Variants in TENM4 observed in about 807,000 individuals in gnomAD.
TENM4 encodes the protein teneurin transmembrane protein 4, also known as teneurin-4.
A neutral mutation model predicts 243.3 loss-of-function variants in TENM4; 82 were observed. The ratio of observed to expected loss-of-function variants is 0.34; its 90% confidence interval spans 0.28 to 0.40. TENM4 has a LOEUF of 0.40. Among genes scored for constraint, TENM4 ranks in the 10% least tolerant of loss-of-function variants. The pLI is 1.00. For synonymous variants in TENM4, 1,412 were observed against 1,456.3 expected (o/e 0.97, Z 0.69); for missense variants, 3,138 against 3,673.3 (o/e 0.85, Z 3.77).
intron 9 of TENM4, among the ~76,000 whole-genome samples, chr11:78,866,521 G>GT (rs934312194): frequency 2.0e-5 from 3 of 150,640 alleles, no homozygotes; most frequent in African/African-American, 7.3e-5. Context: ...GGAAAAAAGT[G>GT]TTGCAGGTGA....
At chr11:78,704,688 T>C (rs1859200615) in intron 27 of TENM4, among the ~76,000 whole-genome samples, 1 of 152,220 alleles carries the variant, frequency 6.6e-6, no homozygotes, top group African/African-American at 2.4e-5. Context: ...GCTTGAGGGA[T>C]GGCATATATA....
intron 1 of TENM4, among the ~76,000 whole-genome samples, chr11:79,369,524 C>G (rs74445816): frequency 0.04 from 6,106 of 152,258 alleles, 415 homozygotes; most frequent in African/African-American, 0.14. Context: ...AAGTGAAACA[C>G]TCAAACAATT....
At position 78,811,589 on chromosome 11, in the gene TENM4, C is replaced by T. The variant is rs539975049; in HGVS notation, c.1978+533G>A. ...ACATGAACACACACACACACACACA[C>T]ACACACACACACACGAGTGTGATAA... On this transcript the variant is annotated intron_variant, in intron 14 of 33. Coordinates refer to ENST00000278550, the MANE Select transcript of TENM4 (RefSeq NM_001098816.3). 2.4e-3 allele frequency among the ~76,000 whole-genome samples: 369 copies of T among 152,206 alleles called. 1 individual carries two copies. The highest frequency in any genetic ancestry group is 0.014 in the South Asian group (69 of 4,808).
At chr11:79,183,680 A>T (rs944094835) in intron 3 of TENM4, among the ~76,000 whole-genome samples, 4 of 152,166 alleles carry the variant, frequency 2.6e-5, no homozygotes, top group African/African-American at 9.7e-5. Flanking sequence ...TTTTCCACTT[A>T]ATTTTGCTGT....
rs551363380 is a variant in TENM4, at chr11:79,427,489, A to G, written c.-321+13020T>C. Among the ~76,000 whole-genome samples, 4 of 152,358 alleles carry G rather than the reference A, an allele frequency of 2.6e-5. No homozygotes were observed. In the South Asian group the frequency reaches 8.3e-4, roughly 32 times the overall value. ...ACGATCGTGATAGATTAAGGTTGCA[A>G]AACAATGTGTGTAATGTGCTCCAAA... On this transcript the variant is annotated intron_variant, in intron 1 of 33. Coordinates refer to ENST00000278550, the MANE Select transcript of TENM4 (RefSeq NM_001098816.3).
chr11:78,890,231 C>T (rs960989482), intron 8 of TENM4, among the ~76,000 whole-genome samples: 2 of 152,104 alleles, frequency 1.3e-5, no homozygotes, highest in African/African-American at 4.8e-5. Context: ...CCACTGAACA[C>T]GGATGGGACA....
chr11:78,901,956 G>GC (rs1341242370), intron 7 of TENM4, among the ~76,000 whole-genome samples: 1 of 152,216 alleles, frequency 6.6e-6, no homozygotes, highest in Non-Finnish European at 1.5e-5. Flanking sequence ...GCCTCCACAA[G>GC]CTTGATGTGC....
chr11:78,873,091 C>G lies in TENM4; in HGVS notation c.1085-9959G>C, dbSNP rs1859177986. Among the ~76,000 whole-genome samples, 5 of 152,198 alleles carry G rather than the reference C, an allele frequency of 3.3e-5. No individual in the cohort carries two copies. In the South Asian group the frequency reaches 1.0e-3, roughly 32 times the overall value. On this transcript the variant is annotated intron_variant, in intron 9 of 33. Coordinates refer to ENST00000278550, the MANE Select transcript of TENM4 (RefSeq NM_001098816.3). ...GAGTGTTTGATGTCCCTCCTTTACA[C>G]CCTACAGCTTCCCAGTCTCCAGTCC... is the stretch of plus-strand genomic sequence containing the variant.
At chr11:78,918,566 G>A (rs933760531) in intron 6 of TENM4, among the ~76,000 whole-genome samples, 4 of 152,058 alleles carry the variant, frequency 2.6e-5, no homozygotes, top group African/African-American at 9.7e-5. Context: ...TAACCACAGC[G>A]GTCACTGTTC....
chr11:78,943,705 G>A lies in TENM4; in HGVS notation c.494-40182C>T, dbSNP rs747580709. Among the ~76,000 whole-genome samples the A allele has an allele frequency of 2.6e-4, 40 of 152,228 alleles. No individual in the cohort carries two copies. The Middle Eastern group carries it at 0.01, about 39-fold the overall frequency. On this transcript the variant is annotated intron_variant, in intron 6 of 33. Coordinates refer to ENST00000278550, the MANE Select transcript of TENM4 (RefSeq NM_001098816.3). ...CTGTTTGAAAATCTTTATAATCCAG[G>A]TGTGCTACTTTAATGTGCAAAAATA...
chr11:79,326,705 T>C (rs931428364), intron 1 of TENM4, among the ~76,000 whole-genome samples: 1 of 152,196 alleles, frequency 6.6e-6, no homozygotes, highest in South Asian at 2.1e-4. Context: ...ACCATGAAGC[T>C]TGGTGTTCCA....
chr11:79,353,461 A>G (rs1002067799), intron 1 of TENM4, among the ~76,000 whole-genome samples: 4 of 152,158 alleles, frequency 2.6e-5, no homozygotes, highest in African/African-American at 9.7e-5. Flanking sequence ...GGAAAAAAAT[A>G]GTTTTCGCCT....
chr11:78,813,155 G>A (rs1023747284), intron 13 of TENM4, among the ~76,000 whole-genome samples: 3 of 152,184 alleles, frequency 2.0e-5, no homozygotes, highest in Non-Finnish European at 4.4e-5. Flanking sequence ...GGGGCTGCTA[G>A]CTTTGCTGCC....
Position 79,253,276 on chromosome 11 carries a change from C to G in TENM4, c.-264-37367G>C, listed in dbSNP as rs535736305. Among the ~76,000 whole-genome samples the G allele has an allele frequency of 2.6e-5, 4 of 152,288 alleles. No homozygotes were observed. In the East Asian group the frequency reaches 7.7e-4, roughly 29 times the overall value. On this transcript the variant is annotated intron_variant, in intron 2 of 33. Coordinates refer to ENST00000278550, the MANE Select transcript of TENM4 (RefSeq NM_001098816.3). ...AAACTCACACTCAGGGCCTGACCAC[C>G]GTAAGGCCTGAGCAAACTCATCAAT...
At chr11:78,905,096 G>A (rs527640620) in intron 6 of TENM4, among the ~76,000 whole-genome samples, 197 of 152,336 alleles carry the variant, frequency 1.3e-3, no homozygotes, top group Non-Finnish European at 2.3e-3. Context: ...CAGGGCTACT[G>A]TGAGATCAAA....
chr11:79,049,984 C>T (rs137996027), intron 6 of TENM4, among the ~76,000 whole-genome samples: 4,503 of 152,274 alleles, frequency 0.03, 95 homozygotes, highest in Non-Finnish European at 0.043. Flanking sequence ...TATTGTGAGC[C>T]CCACTCCATG....
chr11:79,285,655 G>A (rs895301365), intron 2 of TENM4, among the ~76,000 whole-genome samples: 4 of 152,106 alleles, frequency 2.6e-5, no homozygotes, highest in Non-Finnish European at 4.4e-5. Flanking sequence ...ATGTGTGTGT[G>A]TGTGTGTGGG....
chr11:78,664,144 T>C (rs10501430), intron 32 of TENM4, among the ~76,000 whole-genome samples: 80,613 of 152,160 alleles, frequency 0.53, 23,992 homozygotes, highest in Non-Finnish European at 0.69. Context: ...TATCTGCATA[T>C]TGACAATGGA....
intron 6 of TENM4, among the ~76,000 whole-genome samples, chr11:79,053,646 G>A (rs1043218646): frequency 3.3e-5 from 5 of 152,144 alleles, no homozygotes; most frequent in Admixed American, 6.5e-5. Flanking sequence ...TTTCCTGATT[G>A]CTGCTGCTTC....
Sources: gnomAD v4.1 joint callset for allele counts (sites outside exome capture counted in the v4.1 genomes callset) on GRCh38, gnomAD v4.1.1 for gene constraint, MANE v1.5 for transcripts, NCBI Gene and HGNC (gene_info 2026-07-23, HGNC 2026-07-21) for gene names.